The following PPIP5K2 variants were observed in gnomAD, a reference collection of about 807,000 sequenced individuals.
PPIP5K2 encodes the protein inositol hexakisphosphate and diphosphoinositol-pentakisphosphate kinase 2.
Under a neutral mutation model 154.6 loss-of-function variants are expected in PPIP5K2, and 105 were observed. The ratio of observed to expected loss-of-function variants is 0.68; its 90% CI spans 0.58 to 0.80. The LOEUF (loss-of-function observed/expected upper bound fraction) is 0.80. Among genes scored for constraint, PPIP5K2 ranks in the 30% least tolerant of loss-of-function variants. The pLI, the probability that PPIP5K2 is intolerant of heterozygous loss-of-function variation, is 0.00. For missense variants in PPIP5K2, 992 were observed against 1,504.6 expected (o/e 0.66, Z 5.64); for synonymous variants, 480 against 490.3 (o/e 0.98, Z 0.28).
rs561954314 is a variant in PPIP5K2 at position 103,208,383 on chromosome 5, C to T, written c.*6749C>T. 1 of 152,312 alleles carries T rather than the reference C, an allele frequency of 6.6e-6. No individual in the cohort carries two copies. Among genetic ancestry groups the T allele is most frequent in the Admixed American group, 6.5e-5 (1 of 15,288 alleles). The allele number at this position is 152,312 out of a possible 1,614,324, so 9.4% of individuals were successfully genotyped here. A position where few individuals can be genotyped will look rare whatever the true frequency, so the allele number is the denominator to read the frequency against. On this transcript the variant is annotated 3_prime_UTR_variant, in exon 31 of 31. Coordinates refer to ENST00000358359, the MANE Select transcript of PPIP5K2 (RefSeq NM_001276277.3). ...GAATTACAGGCATGAGCCATCATGCCCGGCCGTAGGTTGGCATTTTAAGCT... is the reference window on the plus strand; with the variant it reads ...GAATTACAGGCATGAGCCATCATGCTCGGCCGTAGGTTGGCATTTTAAGCT...
chr5:103,160,146 C>G (rs1554215157), intron 17 of PPIP5K2, among the ~76,000 whole-genome samples: 1 of 152,124 alleles, frequency 6.6e-6, no homozygotes, highest in East Asian at 1.9e-4. Context: ...TGTATATATA[C>G]TACACTTTCT....
chr5:103,172,688 T>C (rs1798137877), intron 19 of PPIP5K2, among the ~76,000 whole-genome samples: 1 of 151,834 alleles, frequency 6.6e-6, no homozygotes, highest in Non-Finnish European at 1.5e-5. Flanking sequence ...TCACTTCCAG[T>C]TAAAACTTTA....
intron 2 of PPIP5K2, 131 bp from the exon 3 acceptor site, chr5:103,133,322 C>A: frequency 1.8e-6 from 1 of 568,426 alleles, no homozygotes; most frequent in South Asian, 4.7e-5. Context: ...TTAAAAATTC[C>A]TTTGTTTGTT....
chr5:103,150,801 C>T (rs1348365877), intron 8 of PPIP5K2, among the ~76,000 whole-genome samples: 1 of 149,740 alleles, frequency 6.7e-6, no homozygotes, highest in East Asian at 2.0e-4. Flanking sequence ...ACAAGATTTC[C>T]TCTGGAATAT....
At chr5:103,162,750 A>G (rs1554216387) in intron 17 of PPIP5K2, among the ~76,000 whole-genome samples, 1 of 151,972 alleles carries the variant, frequency 6.6e-6, no homozygotes, top group Non-Finnish European at 1.5e-5. Context: ...ATTTTAATAT[A>G]TTGTTTAAGA....
At chr5:103,149,050 C>T in intron 7 of PPIP5K2, 102 bp from the exon 8 acceptor site, 1 of 964,006 alleles carries the variant, frequency 1.0e-6, no homozygotes, top group African/African-American at 1.7e-5. Flanking sequence ...GGATTCTGAA[C>T]TATTTTTTAG....
At chr5:103,181,005 T>G (rs782402544) in intron 24 of PPIP5K2, among the ~76,000 whole-genome samples, 1 of 152,096 alleles carries the variant, frequency 6.6e-6, no homozygotes, top group Non-Finnish European at 1.5e-5. Flanking sequence ...ATAAAAAATT[T>G]TACCTTTATA....
intron 5 of PPIP5K2, 126 bp from the exon 6 acceptor site, chr5:103,146,401 C>A: frequency 1.1e-6 from 1 of 914,398 alleles, no homozygotes; most frequent in Non-Finnish European, 1.6e-6. Context: ...TAATTAAAAT[C>A]AAGTAAGTAC....
At chr5:103,201,498 T>TG in intron 30 of PPIP5K2, 24 bp from the exon 31 acceptor site, 3 of 1,392,202 alleles carry the variant, frequency 2.2e-6, no homozygotes, top group Non-Finnish European at 2.9e-6. Context: ...AATAGTTTTT[T>TG]TTTTTTGTTT....
rs1366921612 is a variant in PPIP5K2, at chr5:103,167,421, T to G, written c.2062+101T>G. 2.9e-6 allele frequency: 3 copies of G among 1,026,468 alleles called. No homozygotes were observed. In the African/African-American group the frequency reaches 4.9e-5, roughly 17 times the overall value. The allele number at this position is 1,026,468 out of a possible 1,614,324, so 63.6% of individuals were successfully genotyped here. On this transcript the variant is annotated intron_variant, in intron 18 of 30. Coordinates refer to ENST00000358359, the MANE Select transcript of PPIP5K2 (RefSeq NM_001276277.3). ...ATCTTGTTGTAAGAAATCAAGCCTC[T>G]CTTGAGAGCTATGTATAGTATGAGT...
intron 2 of PPIP5K2, among the ~76,000 whole-genome samples, chr5:103,132,750 A>G (rs1790842684): frequency 6.6e-6 from 1 of 152,208 alleles, no homozygotes; most frequent in Non-Finnish European, 1.5e-5. Flanking sequence ...TTAAATGCAA[A>G]GATCACCAAA....
rs1554225502 is a variant in PPIP5K2, at chr5:103,187,361, C to T, written c.3337C>T (p.Arg1113Ter). Reference sequence around the variant, plus strand: ...TAAAAGGTTTTCTATCTCATTTGCTCGACACCCAACCAATGGTACGTTTTG... The same window carrying T: ...TAAAAGGTTTTCTATCTCATTTGCTTGACACCCAACCAATGGTACGTTTTG... ...AVKRFSISFA[R>*]HPTNGFELYS... The change falls in exon 28 of 31, where the codon CGA becomes TGA. Residue 1113 changes from arginine to a stop codon, truncating the protein, a stop_gained. Coordinates refer to ENST00000358359, the MANE Select transcript of PPIP5K2 (RefSeq NM_001276277.3). LOFTEE classifies it high-confidence loss of function. The T allele has an allele frequency of 3.3e-6, 5 of 1,534,250 alleles. No homozygotes were observed.
At chr5:103,157,638 C>T (rs1157798879) in intron 14 of PPIP5K2, among the ~76,000 whole-genome samples, 4 of 151,388 alleles carry the variant, frequency 2.6e-5, no homozygotes, top group Non-Finnish European at 2.9e-5. Context: ...ATTAGCCAGG[C>T]GCCTGTAGAG....
At chr5:103,189,939 T>C (rs782588171) in intron 28 of PPIP5K2, among the ~76,000 whole-genome samples, 33 of 152,058 alleles carry the variant, frequency 2.2e-4, no homozygotes, top group Non-Finnish European at 7.4e-5. Context: ...GGGAAATTAA[T>C]TTGAATTTTT....
Position 103,201,531 on chromosome 5 carries a change from G to T in PPIP5K2, c.3629G>T (p.Gly1210Val). 1 of 1,582,302 alleles carries T rather than the reference G, an allele frequency of 6.3e-7. No individual in the cohort carries two copies. Among genetic ancestry groups the T allele is most frequent in the South Asian group, 1.2e-5 (1 of 84,372 alleles). The change falls in exon 31 of 31, where the codon GGA becomes GTA. Residue 1210 changes from glycine (G) to valine (V), a missense_variant. Gly to Val is a moderately radical substitution (Grantham distance 109). Coordinates refer to ENST00000358359, the MANE Select transcript of PPIP5K2 (RefSeq NM_001276277.3). ...TKASSKPATS[G>V]PSSAVVPNTS... ...TTTTTGTTTTATGTAGCTACAAGTG[G>T]ACCTTCTAGTGCAGTTGTTCCTAAT...
Position 103,138,388 on chromosome 5 carries a change from G to A in PPIP5K2, c.406G>A (p.Glu136Lys). The A allele has an allele frequency of 6.4e-7, 1 of 1,559,276 alleles. No individual in the cohort carries two copies. Among genetic ancestry groups the A allele is most frequent in the Non-Finnish European group, 8.8e-7 (1 of 1,140,228 alleles). The part of the protein sequence containing the change: ...NMQYLIQDRR[E>K]VYSILQAEGI... ...GATGTTTCCCTTTTTCTTCAGGAGAGAAGTATATAGTATTCTTCAAGCTGA... is the reference window on the plus strand; with the variant it reads ...GATGTTTCCCTTTTTCTTCAGGAGAAAAGTATATAGTATTCTTCAAGCTGA... Residue 136 changes from glutamate to lysine, a missense_variant, in exon 5 of 31, where the codon GAA (glutamate) becomes AAA (lysine). Physicochemically the swap from Glu to Lys is moderately conservative, Grantham distance 56 (BLOSUM62 1). This residue lies in a region of PPIP5K2 where 153 missense variants were observed against 200.4 expected (regional missense o/e 0.76). Transcript: ENST00000358359.
intron 25 of PPIP5K2, 69 bp downstream of exon 25, chr5:103,183,476 G>A: frequency 1.5e-6 from 2 of 1,336,076 alleles, no homozygotes; most frequent in South Asian, 1.2e-5. Context: ...CTGTCTTTGA[G>A]GACATCTAAT....
rs1367206687 is a variant in PPIP5K2, at chr5:103,152,678, A to G, written c.1059A>G (p.Gln353=). Reference sequence around the variant, plus strand: ...TTGTAATGCGAGAACTTGCTCCACAATTTCATATTCCATGGTCAATACCCT... The same window carrying G: ...TTGTAATGCGAGAACTTGCTCCACAGTTTCATATTCCATGGTCAATACCCT... ...GNIVMRELAP[Q]FHIPWSIPLE... Residue 353 remains glutamine, a synonymous_variant, in exon 10 of 31, where the codon CAA becomes CAG. Transcript: ENST00000358359. The G allele has an allele frequency of 2.5e-6, 4 of 1,596,608 alleles. No homozygotes were observed. Among genetic ancestry groups the G allele is most frequent in the South Asian group, 1.1e-5 (1 of 90,516 alleles).
Position 103,180,105 on chromosome 5 carries a change from T to G in PPIP5K2, c.2839T>G (p.Leu947Val). 1 of 1,605,638 alleles carries G rather than the reference T, an allele frequency of 6.2e-7. No homozygotes were observed. The highest frequency in any genetic ancestry group is 8.5e-7 in the Non-Finnish European group (1 of 1,176,696). Residue 947 changes from leucine (L) to valine (V), a missense_variant, in exon 24 of 31, where the codon TTG becomes GTG. Physicochemically the swap from Leu to Val is conservative, Grantham distance 32 (BLOSUM62 1). Around this residue, in one of 9 missense-constraint regions of PPIP5K2, gnomAD observed 204 missense variants for 224.0 expected, o/e 0.91. Coordinates refer to ENST00000358359, the MANE Select transcript of PPIP5K2 (RefSeq NM_001276277.3). ...KRDEVDRAVI[L>V]FKPMVSEPIH... ...AGATGAAGTTGATCGAGCTGTGATA[T>G]TGTTTAAACCAATGGTATCAGAGCC...
Sources: gnomAD v4.1 joint callset for allele counts (sites outside exome capture counted in the v4.1 genomes callset) on GRCh38, gnomAD v4.1.1 for gene constraint, gnomAD v4.1.1 regional missense constraint, MANE v1.5 for transcripts, NCBI Gene and HGNC (gene_info 2026-07-23, HGNC 2026-07-21) for gene names.